Variants in DOK5 observed in about 807,000 individuals in gnomAD.
DOK5 encodes the protein docking protein 5, also known as downstream of tyrosine kinase 5.
DOK5 carries 27 observed loss-of-function variants against 43.3 expected under a neutral mutation model. That is an observed-to-expected ratio of 0.62 (90% CI 0.46 to 0.86). DOK5 has a LOEUF of 0.86. Among genes scored for constraint, DOK5 ranks in the 40% least tolerant of loss-of-function variants. The probability of loss-of-function intolerance (pLI) is 0.00; values close to 1 mark genes in which losing one functional copy is unlikely to be tolerated. For missense variants in DOK5, 373 were observed against 392.9 expected, an observed-to-expected ratio of 0.95 and a Z score of 0.43; for synonymous variants, 146 against 140.1, an observed-to-expected ratio of 1.04 and a Z score of -0.30.
chr20:54,625,519 A>G (rs1285016098), intron 6 of DOK5, among the ~76,000 whole-genome samples: 1 of 152,200 alleles, frequency 6.6e-6, no homozygotes, highest in East Asian at 1.9e-4. Flanking sequence ...TCTATGAGAA[A>G]TATGTAGAAT....
chr20:54,649,560 G>T (rs893167378), intron 7 of DOK5, among the ~76,000 whole-genome samples: 2 of 145,098 alleles, frequency 1.4e-5, no homozygotes, highest in Non-Finnish European at 3.1e-5. Flanking sequence ...TGTTCCAAAG[G>T]CTTTGCGGTG....
intron 1 of DOK5, among the ~76,000 whole-genome samples, chr20:54,546,254 G>T (rs115698164): frequency 1.3e-5 from 2 of 152,282 alleles, no homozygotes; most frequent in East Asian, 3.9e-4. Context: ...TCCACAGTGC[G>T]CAGAAAAAGA....
At chr20:54,592,303 C>T (rs1985999359) in intron 5 of DOK5, among the ~76,000 whole-genome samples, 1 of 152,114 alleles carries the variant, frequency 6.6e-6, no homozygotes, top group Non-Finnish European at 1.5e-5. Context: ...CTCATGAATA[C>T]TGAAAGAGAT....
chr20:54,648,534 C>A (rs1181841172), intron 7 of DOK5, among the ~76,000 whole-genome samples: 1 of 152,058 alleles, frequency 6.6e-6, no homozygotes, highest in Non-Finnish European at 1.5e-5. Context: ...ATACCGAGAG[C>A]CAGGGGAAGG....
At chr20:54,639,097 TAGA>T (rs1232081068) in intron 6 of DOK5, among the ~76,000 whole-genome samples, 3 of 152,178 alleles carry the variant, frequency 2.0e-5, no homozygotes, top group Admixed American at 6.5e-5. Context: ...AAGCCCAGAT[TAGA>T]AGGAGTGAAA....
In DOK5 at chr20:54,632,303, G is replaced by A. The variant is rs150319489; in HGVS notation, c.736-11155G>A. Among the ~76,000 whole-genome samples, 970 of 152,212 alleles carry A rather than the reference G, an allele frequency of 6.4e-3. 8 individuals carry two copies. The highest frequency in any genetic ancestry group is 0.02 in the South Asian group (95 of 4,818). The stretch of plus-strand genomic sequence containing the variant: ...GTGGTTTTATGTATGGCTTTTTGTC[G>A]TTGTTGCCTAAAAATATTTTAAGGT... On this transcript the variant is annotated intron_variant, in intron 6 of 7. Coordinates refer to ENST00000262593, the MANE Select transcript of DOK5 (RefSeq NM_018431.5).
intron 1 of DOK5, among the ~76,000 whole-genome samples, chr20:54,520,144 C>G (rs1295266513): frequency 6.6e-6 from 1 of 152,164 alleles, no homozygotes; most frequent in Non-Finnish European, 1.5e-5. Flanking sequence ...AATCCTGCCC[C>G]CTAAACCCTC....
intron 2 of DOK5, among the ~76,000 whole-genome samples, chr20:54,575,176 TC>T (rs1334358586): frequency 6.6e-6 from 1 of 152,114 alleles, no homozygotes; most frequent in Non-Finnish European, 1.5e-5. Flanking sequence ...ACTAACACGA[TC>T]TTTTCAACAG....
At chr20:54,645,128 C>G (rs1200703052) in intron 7 of DOK5, among the ~76,000 whole-genome samples, 1 of 149,616 alleles carries the variant, frequency 6.7e-6, no homozygotes, top group Non-Finnish European at 1.5e-5. Flanking sequence ...AGGTACAAGA[C>G]CACCAAACTG....
intron 1 of DOK5, among the ~76,000 whole-genome samples, chr20:54,485,454 T>C (rs1232854895): frequency 6.6e-6 from 1 of 152,174 alleles, no homozygotes; most frequent in African/African-American, 2.4e-5. Flanking sequence ...TGAGATTCGT[T>C]CAGGTTGTTG....
chr20:54,549,838 G>A (rs1984465071), intron 1 of DOK5, among the ~76,000 whole-genome samples: 1 of 151,982 alleles, frequency 6.6e-6, no homozygotes, highest in Non-Finnish European at 1.5e-5. Context: ...ACATTCTTGG[G>A]GCATGTACAA....
intron 5 of DOK5, among the ~76,000 whole-genome samples, chr20:54,603,552 T>G (rs1986364807): frequency 6.6e-6 from 1 of 152,170 alleles, no homozygotes; most frequent in South Asian, 2.1e-4. Flanking sequence ...TTGGTCTATT[T>G]CAATGATTTT....
At chr20:54,554,569 C>T (rs916270554) in intron 1 of DOK5, among the ~76,000 whole-genome samples, 15 of 152,214 alleles carry the variant, frequency 9.9e-5, no homozygotes, top group African/African-American at 3.4e-4. Context: ...AGACCAAGCC[C>T]ATGGTTTTCA....
intron 1 of DOK5, among the ~76,000 whole-genome samples, chr20:54,536,119 A>T (rs1983953294): frequency 6.6e-6 from 1 of 152,238 alleles, no homozygotes; most frequent in South Asian, 2.1e-4. Flanking sequence ...TTATATTCTA[A>T]AGACCAAGGC....
intron 7 of DOK5, among the ~76,000 whole-genome samples, chr20:54,644,660 A>T (rs1397643876): frequency 2.0e-5 from 3 of 149,128 alleles, no homozygotes; most frequent in South Asian, 4.2e-4. Flanking sequence ...GAGCCGAGAT[A>T]GCGCCACTGC....
chr20:54,615,931 C>G lies in DOK5; in HGVS notation c.735+5408C>G, dbSNP rs533665115. ...AAAAAGGCATAAAAACAGGTTCTCC[C>G]CCAGAACCTCCAGAAGGAGCCAGCC... On this transcript the variant is annotated intron_variant, in intron 6 of 7. Coordinates refer to ENST00000262593, the MANE Select transcript of DOK5 (RefSeq NM_018431.5). 2.0e-5 allele frequency among the ~76,000 whole-genome samples: 3 copies of G among 152,014 alleles called. 1 individual carries two copies. Among genetic ancestry groups the G allele is most frequent in the Admixed American group, 2.0e-4 (3 of 15,278 alleles).
At chr20:54,633,114 C>A (rs993965706) in intron 6 of DOK5, among the ~76,000 whole-genome samples, 10 of 152,026 alleles carry the variant, frequency 6.6e-5, no homozygotes, top group African/African-American at 2.4e-4. Context: ...AAAACAAATG[C>A]CTGGGCTCCA....
intron 6 of DOK5, among the ~76,000 whole-genome samples, chr20:54,610,992 G>A (rs1986634014): frequency 6.6e-6 from 1 of 152,146 alleles, no homozygotes; most frequent in Admixed American, 6.5e-5. Context: ...TAGATCCCTT[G>A]ATTTTTCAAG....
chr20:54,576,610 C>T (rs998723032), intron 2 of DOK5, among the ~76,000 whole-genome samples: 5 of 152,246 alleles, frequency 3.3e-5, no homozygotes, highest in African/African-American at 7.2e-5. Context: ...CACTGAACTG[C>T]GGTCTTGAGA....
Sources: allele counts gnomAD v4.1 joint callset (sites outside exome capture counted in the v4.1 genomes callset), GRCh38; gene constraint gnomAD v4.1.1; transcripts MANE v1.5; gene names NCBI Gene and HGNC (gene_info 2026-07-23, HGNC 2026-07-21).